ANKS1B: variants seen among roughly 807,000 people sequenced by gnomAD.
ANKS1B encodes ankyrin repeat and sterile alpha motif domain containing 1B, also known as ankyrin repeat and sterile alpha motif domain-containing protein 1B.
ANKS1B carries 36 observed loss-of-function variants against 148.3 expected under a neutral mutation model. The observed-to-expected ratio is 0.24, with a 90% CI of 0.19 to 0.32. ANKS1B has a LOEUF of 0.32. ANKS1B is among the 10% of genes least tolerant of loss of function. The pLI is 1.00. For synonymous variants in ANKS1B, 542 were observed against 560.8 expected (o/e 0.97, Z 0.47); for missense variants, 1,157 against 1,542.6 (o/e 0.75, Z 4.19).
rs116122975 is a variant in ANKS1B at position 99,831,666 on chromosome 12, C to T, written c.135-6277G>A. The stretch of plus-strand genomic sequence containing the variant: ...CTTTCTTATATGAGACCCACAGCAT[C>T]AGTGTCTTATATGGCTCCAGTAGCA... On this transcript the variant is annotated intron_variant, in intron 1 of 26. Transcript: ENST00000683438. 7.9e-3 allele frequency among the ~76,000 whole-genome samples: 1,202 copies of T among 152,028 alleles called. 16 individuals carry two copies. Among genetic ancestry groups the T allele is most frequent in the African/African-American group, 0.027 (1,136 of 41,492 alleles).
At chr12:99,906,515 G>C (rs2093788227) in intron 1 of ANKS1B, among the ~76,000 whole-genome samples, 1 of 152,066 alleles carries the variant, frequency 6.6e-6, no homozygotes, top group Admixed American at 6.6e-5. Context: ...ACGGAATTTG[G>C]TTGATTGACT....
chr12:98,889,989 C>A (rs2099748837), intron 17 of ANKS1B, among the ~76,000 whole-genome samples: 1 of 152,176 alleles, frequency 6.6e-6, no homozygotes, highest in South Asian at 2.1e-4. Flanking sequence ...GGAAAGATAT[C>A]TGAGATAAGA....
intron 8 of ANKS1B, among the ~76,000 whole-genome samples, chr12:99,665,561 A>AC (rs1390477823): frequency 6.6e-6 from 1 of 151,210 alleles, no homozygotes. Context: ...ATCTCGGCTC[A>AC]CTGCAAGCTC....
intron 17 of ANKS1B, among the ~76,000 whole-genome samples, chr12:99,009,734 C>G (rs973200936): frequency 6.6e-6 from 1 of 151,866 alleles, no homozygotes; most frequent in Non-Finnish European, 1.5e-5. Flanking sequence ...GCTGGAAAAC[C>G]TCCCATCAAA....
chr12:99,573,059 G>T (rs2097478000), intron 9 of ANKS1B, among the ~76,000 whole-genome samples: 1 of 152,066 alleles, frequency 6.6e-6, no homozygotes, highest in East Asian at 1.9e-4. Context: ...TGGATGGAGA[G>T]ATCATGGTGC....
intron 9 of ANKS1B, among the ~76,000 whole-genome samples, chr12:99,540,244 G>A (rs187618206): frequency 6.6e-6 from 1 of 152,162 alleles, no homozygotes; most frequent in Admixed American, 6.5e-5. Flanking sequence ...TTTCAATAAT[G>A]AATAGAACAA....
At chr12:99,126,716 G>C (rs759419221) in intron 15 of ANKS1B, among the ~76,000 whole-genome samples, 1 of 152,178 alleles carries the variant, frequency 6.6e-6, no homozygotes, top group Non-Finnish European at 1.5e-5. Flanking sequence ...TTATTTCCAA[G>C]AGGAGTTTTG....
At position 99,215,391 on chromosome 12, in the gene ANKS1B, A is replaced by T. The variant is rs142603688; in HGVS notation, c.2419+28951T>A. ...TCCCTACTGGGGCACTGACAAGTGG[A>T]GCTGTGAGAAGAGGGCCACCCTCCT... On this transcript the variant is annotated intron_variant, in intron 14 of 26. Coordinates refer to ENST00000683438, the MANE Select transcript of ANKS1B (RefSeq NM_001352186.2). Among the ~76,000 whole-genome samples, 28 of 152,266 alleles carry T rather than the reference A, an allele frequency of 1.8e-4. No homozygotes were observed. In the East Asian group the frequency reaches 5.2e-3, roughly 28 times the overall value.
intron 9 of ANKS1B, among the ~76,000 whole-genome samples, chr12:99,579,893 T>G (rs561963462): frequency 6.6e-6 from 1 of 152,112 alleles, no homozygotes; most frequent in Non-Finnish European, 1.5e-5. Context: ...AAAAAAAATG[T>G]ACACTCATAT....
At chr12:99,444,348 G>A (rs2095600323) in intron 10 of ANKS1B, among the ~76,000 whole-genome samples, 1 of 151,788 alleles carries the variant, frequency 6.6e-6, no homozygotes, top group Non-Finnish European at 1.5e-5. Context: ...TGTGCAAAAT[G>A]GTTTTATGAT....
intron 18 of ANKS1B, among the ~76,000 whole-genome samples, chr12:98,830,767 A>T (rs532411493): frequency 1.3e-5 from 2 of 152,162 alleles, no homozygotes; most frequent in East Asian, 3.9e-4. Context: ...ATTTTAGAAA[A>T]GTTCTTGTAG....
intron 17 of ANKS1B, chr12:98,893,773 G>A (rs2099757636): frequency 6.6e-6 from 1 of 152,242 alleles, no homozygotes; most frequent in Non-Finnish European, 1.5e-5. Context: ...GAAATGCAGC[G>A]AGGACTCGCC....
chr12:99,060,652 A>ATC (rs1193788685), intron 16 of ANKS1B, among the ~76,000 whole-genome samples: 3 of 109,936 alleles, frequency 2.7e-5, no homozygotes, highest in African/African-American at 7.7e-5. Flanking sequence ...ATATATACAC[A>ATC]TCACACACAC....
intron 12 of ANKS1B, among the ~76,000 whole-genome samples, chr12:99,315,300 T>G (rs1343196508): frequency 1.3e-5 from 2 of 150,298 alleles, no homozygotes; most frequent in African/African-American, 2.4e-5. Flanking sequence ...CGGAAAAAAT[T>G]TTTTACAATC....
chr12:99,703,921 G>C (rs1192395075), intron 8 of ANKS1B, among the ~76,000 whole-genome samples: 1 of 151,960 alleles, frequency 6.6e-6, no homozygotes, highest in Non-Finnish European at 1.5e-5. Flanking sequence ...TTATTTCTAT[G>C]ATCAGTCTCT....
exon 10 of ANKS1B, chr12:98,735,221 A>T: frequency 2.5e-6 from 1 of 399,112 alleles, no homozygotes; most frequent in Non-Finnish European, 4.4e-6. Context: ...GAGCATTTCT[A>T]AAGCATTTTC....
rs532860167 is a variant in ANKS1B at position 99,797,225 on chromosome 12, A to C, written c.669+9179T>G. Among the ~76,000 whole-genome samples, 4 of 152,050 alleles carry C rather than the reference A, an allele frequency of 2.6e-5. No individual in the cohort carries two copies. The South Asian group carries it at 6.2e-4, about 24-fold the overall frequency. On this transcript the variant is annotated intron_variant, in intron 4 of 26. Coordinates refer to ENST00000683438, the MANE Select transcript of ANKS1B (RefSeq NM_001352186.2). ...TTAAGAATATTTTGCCAAGGTGTAA[A>C]GTAAGATTTAAAAAAAAATCAAGTG...
chr12:99,805,675 T>C lies in ANKS1B; in HGVS notation c.669+729A>G, dbSNP rs1015417140. Reference sequence around the variant, plus strand: ...TAAAATATACTAAATTAAATTAAACTTTTTAAAGTAGGTTGACCATTCCTT... The same window carrying C: ...TAAAATATACTAAATTAAATTAAACCTTTTAAAGTAGGTTGACCATTCCTT... On this transcript the variant is annotated intron_variant, in intron 4 of 26. Transcript: ENST00000683438. Among the ~76,000 whole-genome samples, 7 of 152,078 alleles carry C rather than the reference T, an allele frequency of 4.6e-5. No homozygotes were observed. In the South Asian group the frequency reaches 1.4e-3, roughly 31 times the overall value.
chr12:99,184,814 C>T (rs1218286143), intron 14 of ANKS1B, among the ~76,000 whole-genome samples: 1 of 152,134 alleles, frequency 6.6e-6, no homozygotes, highest in African/African-American at 2.4e-5. Context: ...AGTTAAATTA[C>T]TTAGTCACCC....
Sources: allele counts gnomAD v4.1 joint callset (sites outside exome capture counted in the v4.1 genomes callset), GRCh38; gene constraint gnomAD v4.1.1; transcripts MANE v1.5; gene names NCBI Gene and HGNC (gene_info 2026-07-23, HGNC 2026-07-21).